The following MEF2C variants were observed in gnomAD, a reference collection of about 807,000 sequenced individuals.
The protein encoded by MEF2C is myocyte enhancer factor 2C.
Under a neutral mutation model 50.5 loss-of-function variants are expected in MEF2C, and 6 were observed. The observed-to-expected ratio is 0.12, with a 90% CI of 0.07 to 0.23. The LOEUF (loss-of-function observed/expected upper bound fraction) is 0.23, where lower values mean the gene tolerates loss of function less well. Ranked by LOEUF, MEF2C falls within the 10% of genes least tolerant of loss-of-function variation. MEF2C has a pLI of 1.00. For missense variants in MEF2C, 276 were observed against 605.0 expected (o/e 0.46, Z 5.70); for synonymous variants, 183 against 228.0 (o/e 0.80, Z 1.78).
intron 3 of MEF2C, among the ~76,000 whole-genome samples, chr5:88,802,749 A>G (rs3850649): frequency 0.014 from 2,139 of 152,314 alleles, 51 homozygotes; most frequent in African/African-American, 0.049. Flanking sequence ...ACACCTGGCC[A>G]ATATATGAAG....
chr5:88,897,522 G>A (rs182649368), intron 1 of MEF2C, among the ~76,000 whole-genome samples: 4 of 152,316 alleles, frequency 2.6e-5, no homozygotes, highest in Admixed American at 2.6e-4. Flanking sequence ...TTGTTTGAAT[G>A]ACTGTCCTGA....
chr5:88,748,058 A>T (rs1770761464), intron 6 of MEF2C: 1 of 984,820 alleles, frequency 1.0e-6, no homozygotes, highest in Admixed American at 6.2e-5. Context: ...TGTAGGTCTA[A>T]TACTTTTTCT....
chr5:88,739,849 G>C, intron 6 of MEF2C: 1 of 985,294 alleles, frequency 1.0e-6, no homozygotes, highest in South Asian at 4.7e-5. Flanking sequence ...TATGCTTAAT[G>C]TAGAAAGGGG....
intron 1 of MEF2C, among the ~76,000 whole-genome samples, chr5:88,890,769 C>CTT (rs1288672978): frequency 6.6e-6 from 1 of 152,356 alleles, no homozygotes; most frequent in East Asian, 1.9e-4. Context: ...TAAAGTCAGA[C>CTT]TTTCAGTATC....
rs186966963 is a variant in MEF2C at position 88,843,790 on chromosome 5, T to C, written c.-142-19860A>G. Among the ~76,000 whole-genome samples, 60 of 151,496 alleles carry C rather than the reference T, an allele frequency of 4.0e-4. No individual in the cohort carries two copies. The Middle Eastern group carries it at 0.01, about 26-fold the overall frequency. ...CAACGTCTTAATTTGTGTTTGATTG[T>C]TTGTTCCTGTGAAACTTTTTTTTTT... On this transcript the variant is annotated intron_variant, in intron 1 of 10. Transcript: ENST00000504921.
chr5:88,726,376 A>G (rs2152119039), intron 10 of MEF2C, among the ~76,000 whole-genome samples: 1 of 152,322 alleles, frequency 6.6e-6, no homozygotes, highest in South Asian at 2.1e-4. Context: ...CATGTGAATT[A>G]CTTTACATAA....
At chr5:88,864,458 G>A (rs564720549) in intron 1 of MEF2C, among the ~76,000 whole-genome samples, 9 of 151,748 alleles carry the variant, frequency 5.9e-5, no homozygotes, top group African/African-American at 2.2e-4. Context: ...ATCTGAATCT[G>A]GGAGTGGAAC....
rs1266613767 is a variant in MEF2C at position 88,751,929 on chromosome 5, C to T, written c.517G>A (p.Ala173Thr). The change falls in exon 5 of 11, where the codon GCT (alanine) becomes ACT (threonine). Residue 173 changes from alanine to threonine, a missense_variant. Physicochemically the swap from Ala to Thr is moderately conservative, Grantham distance 58 (BLOSUM62 0). Around this residue, in one of 2 missense-constraint regions of MEF2C, gnomAD observed 256 missense variants for 468.1 expected, o/e 0.55. Coordinates refer to ENST00000504921, the MANE Select transcript of MEF2C (RefSeq NM_002397.5). ...SLGNPNLLPL[A>T]HPSLQRNSMS... ...CTATTCCTCTGCAGAGAAGGGTGAG[C>T]CAGTGGCAATAGGTTGGGGTTTCCC... is the stretch of plus-strand genomic sequence containing the variant. The T allele has an allele frequency of 6.2e-7, 1 of 1,613,910 alleles. No individual in the cohort carries two copies. The highest frequency in any genetic ancestry group is 8.5e-7 in the Non-Finnish European group (1 of 1,179,866).
rs996501946 is a variant in MEF2C at position 88,722,255 on chromosome 5, T to G, written c.*349A>C. 5.2e-6 allele frequency: 1 copy of G among 190,966 alleles called. No homozygotes were observed. The highest frequency in any genetic ancestry group is 2.3e-5 in the African/African-American group (1 of 42,618). The allele number at this position is 190,966 out of a possible 1,614,324, so 11.8% of individuals were successfully genotyped here. ...AGATCTGCCGCTTTTGGCAAATGTT[T>G]CCTTTTGTCTATTTACATGTAAATA... is the stretch of plus-strand genomic sequence containing the variant. On this transcript the variant is annotated 3_prime_UTR_variant, in exon 11 of 11. Transcript: ENST00000504921.
chr5:88,796,183 TTTA>T (rs1010203544), intron 3 of MEF2C, among the ~76,000 whole-genome samples: 4 of 152,172 alleles, frequency 2.6e-5, no homozygotes, highest in African/African-American at 4.8e-5. Flanking sequence ...TCCCTCTTTT[TTTA>T]TTATTTGGAA....
At chr5:88,751,779 T>C in intron 5 of MEF2C, 78 bp downstream of exon 5, 2 of 1,436,962 alleles carry the variant, frequency 1.4e-6, no homozygotes, top group Non-Finnish European at 1.9e-6. Flanking sequence ...AAACATCTCG[T>C]AGATAAAGCA....
chr5:88,743,170 C>T, intron 6 of MEF2C: 11 of 920,212 alleles, frequency 1.2e-5, no homozygotes, highest in Non-Finnish European at 1.4e-5. Context: ...TATCTTTATA[C>T]TAACAATTAG....
chr5:88,777,661 AG>A (rs780381832), intron 3 of MEF2C, among the ~76,000 whole-genome samples: 1 of 152,202 alleles, frequency 6.6e-6, no homozygotes, highest in Non-Finnish European at 1.5e-5. Flanking sequence ...TTTTTCATAA[AG>A]GGATGTGTTT....
rs982246141 is a variant in MEF2C, at chr5:88,721,325, A to G, written c.*1279T>C. On this transcript the variant is annotated 3_prime_UTR_variant, in exon 11 of 11. Transcript: ENST00000504921. ...TGATAAAAATGCAAAAAACAAAATA[A>G]AAATAGCATGAAAGAAACTAGTATA... 4 of 152,624 alleles carry G rather than the reference A, an allele frequency of 2.6e-5. No individual in the cohort carries two copies. The highest frequency in any genetic ancestry group is 5.9e-5 in the Non-Finnish European group (4 of 68,026). The allele number at this position is 152,624 out of a possible 1,614,324, so 9.5% of individuals were successfully genotyped here.
At chr5:88,723,034 G>T in intron 10 of MEF2C, 109 bp from the exon 11 acceptor site, 1 of 996,376 alleles carries the variant, frequency 1.0e-6, no homozygotes, top group Non-Finnish European at 1.4e-6. Context: ...ACCAGAGCAT[G>T]CCCAGAGTGA....
chr5:88,722,913 G>A lies in MEF2C; in HGVS notation c.1113C>T (p.Ser371=). The A allele has an allele frequency of 6.2e-7, 1 of 1,602,782 alleles. No individual in the cohort carries two copies. Among genetic ancestry groups the A allele is most frequent in the Non-Finnish European group, 8.5e-7 (1 of 1,172,608 alleles). The change falls in exon 11 of 11, where the codon AGC becomes AGT. Residue 371 remains serine (S), a synonymous_variant. Coordinates refer to ENST00000504921, the MANE Select transcript of MEF2C (RefSeq NM_002397.5). ...SALSQLGACT[S]THLSQSSNLS... The stretch of plus-strand genomic sequence containing the variant: ...GATTTGAACTCTGAGATAAATGAGT[G>A]CTAGTGCAAGCTCTGTAGGAGGAAA...
chr5:88,895,515 A>C (rs1835029022), intron 1 of MEF2C, among the ~76,000 whole-genome samples: 1 of 152,206 alleles, frequency 6.6e-6, no homozygotes. Context: ...ATTTAAGGGA[A>C]CTGAGCATAA....
intron 2 of MEF2C, among the ~76,000 whole-genome samples, chr5:88,806,739 AAAAATATGCAAAATATATTTTGTATAT>A (rs1194208547): frequency 7.9e-5 from 12 of 152,176 alleles, no homozygotes; most frequent in Non-Finnish European, 7.3e-5. Context: ...AAATATATAC[AAAAATATGCAAAATATATTTTGTATAT>A]AAAATATGCA....
intron 4 of MEF2C, among the ~76,000 whole-genome samples, chr5:88,760,074 T>G (rs1465251061): frequency 6.6e-6 from 1 of 152,262 alleles, no homozygotes; most frequent in Non-Finnish European, 1.5e-5. Context: ...ACTGATTGCC[T>G]ACTGAGGAGC....
Sources: gnomAD v4.1 joint callset for allele counts (sites outside exome capture counted in the v4.1 genomes callset) on GRCh38, gnomAD v4.1.1 for gene constraint, gnomAD v4.1.1 regional missense constraint, MANE v1.5 for transcripts, NCBI Gene and HGNC (gene_info 2026-07-23, HGNC 2026-07-21) for gene names.